Variants in VPS37A observed in about 807,000 individuals in gnomAD.
The protein encoded by VPS37A is VPS37A subunit of ESCRT-I, also known as vacuolar protein sorting-associated protein 37A.
VPS37A carries 30 observed loss-of-function variants against 49.8 expected under a neutral mutation model. The ratio of observed to expected loss-of-function variants is 0.60; its 90% CI spans 0.45 to 0.82. VPS37A has a LOEUF of 0.82. Ranked by LOEUF, VPS37A falls within the 40% of genes least tolerant of loss-of-function variation. The pLI is 0.00. For missense variants in VPS37A, 593 were observed against 464.4 expected, an observed-to-expected ratio of 1.28 and a Z score of -2.55; for synonymous variants, 195 against 160.6, an observed-to-expected ratio of 1.21 and a Z score of -1.62.
Position 17,284,484 on chromosome 8 carries a change from A to C in VPS37A, c.981A>C (p.Ala327=). Residue 327 remains alanine (A), a synonymous_variant, in exon 10 of 12, where the codon GCA becomes GCC. Transcript: ENST00000324849. ...RQHELSESCS[A]SALQARLKVA... ...ATTTTCTTTTTCAGAGCTGTAGTGC[A>C]AGTGCCCTTCAGGCAAGATTGAAAG... 1.9e-6 allele frequency: 3 copies of C among 1,586,094 alleles called. No homozygotes were observed. Among genetic ancestry groups the C allele is most frequent in the Non-Finnish European group, 1.7e-6 (2 of 1,172,104 alleles).
At chr8:17,310,891 C>CT in the VPS37A span, among the ~76,000 whole-genome samples, 1,676 of 152,234 alleles carry the variant, frequency 0.011, 24 homozygotes, top group African/African-American at 0.039. Flanking sequence ...TTAGTGAAAA[C>CT]TTCACCATCC....
chr8:17,302,338 C>T (rs1395152873), downstream of VPS37A: 2 of 1,555,310 alleles, frequency 1.3e-6, no homozygotes, highest in Admixed American at 4.0e-5. Flanking sequence ...AAATTCACAT[C>T]CTCAAGTCTT....
the VPS37A span, chr8:17,311,559 C>T: frequency 6.2e-7 from 1 of 1,614,148 alleles, no homozygotes; most frequent in South Asian, 1.1e-5. Flanking sequence ...GCAGGCTTGC[C>T]ACCGAGCACA....
chr8:17,254,278 G>A (rs1489326609), intron 1 of VPS37A, among the ~76,000 whole-genome samples: 1 of 152,144 alleles, frequency 6.6e-6, no homozygotes, highest in Non-Finnish European at 1.5e-5. Context: ...GGAAAAGGAG[G>A]CTTCCTGGGG....
chr8:17,256,755 C>T (rs1812505723), intron 1 of VPS37A, among the ~76,000 whole-genome samples: 1 of 151,894 alleles, frequency 6.6e-6, no homozygotes, highest in African/African-American at 2.4e-5. Flanking sequence ...CGGATTCAAG[C>T]AATTTTCCTG....
the VPS37A span, among the ~76,000 whole-genome samples, chr8:17,328,108 C>T: frequency 2.6e-5 from 4 of 152,138 alleles, no homozygotes; most frequent in African/African-American, 9.7e-5. Context: ...CAAAGCTACT[C>T]GTGGGGAGAA....
chr8:17,301,994 G>C, downstream of VPS37A: 1 of 898,096 alleles, frequency 1.1e-6, no homozygotes, highest in Non-Finnish European at 1.6e-6. Flanking sequence ...TTGGGCTTCG[G>C]TTATCTGAGT....
At chr8:17,273,023 CTTTTTTTTTTTTT>C (rs1166192119) in intron 4 of VPS37A, among the ~76,000 whole-genome samples, 5 of 43,830 alleles carry the variant, frequency 1.1e-4, no homozygotes, top group Non-Finnish European at 1.6e-4. Context: ...TTTGCCCTTC[CTTTTTTTTTTTTT>C]TTTTTTTTTT....
At chr8:17,293,943 G>A (rs780765340) in intron 11 of VPS37A, among the ~76,000 whole-genome samples, 9 of 152,174 alleles carry the variant, frequency 5.9e-5, no homozygotes, top group Non-Finnish European at 1.3e-4. Flanking sequence ...AGAACCACTT[G>A]AGGAGGCAGT....
At chr8:17,286,272 G>T in intron 10 of VPS37A, 75 bp from the exon 11 acceptor site, 1 of 1,179,872 alleles carries the variant, frequency 8.5e-7, no homozygotes. Flanking sequence ...AAAGCTTCCT[G>T]TCATACTGTT....
chr8:17,292,785 C>T (rs867842375), intron 11 of VPS37A, among the ~76,000 whole-genome samples: 17 of 152,326 alleles, frequency 1.1e-4, no homozygotes, highest in African/African-American at 1.7e-4. Flanking sequence ...TATTGGCCCC[C>T]ATTCTCTTCT....
At chr8:17,299,856 G>C (rs762507906), downstream of VPS37A, 1 of 1,613,458 alleles carries the variant, frequency 6.2e-7, no homozygotes, top group Non-Finnish European at 8.5e-7. Context: ...ACTCCAAAGG[G>C]AAACTTCAGG....
intron 1 of VPS37A, among the ~76,000 whole-genome samples, chr8:17,253,527 G>T (rs1302048135): frequency 2.6e-5 from 4 of 152,208 alleles, no homozygotes; most frequent in African/African-American, 7.2e-5. Context: ...ATATGGCAAA[G>T]GCTATGGAGA....
At chr8:17,251,808 G>T (rs1005745191) in intron 1 of VPS37A, among the ~76,000 whole-genome samples, 1 of 152,142 alleles carries the variant, frequency 6.6e-6, no homozygotes, top group Non-Finnish European at 1.5e-5. Context: ...TTCTTTTGCT[G>T]CCAGTCTGCG....
chr8:17,299,847 C>A (rs764665684), downstream of VPS37A: 10 of 1,612,874 alleles, frequency 6.2e-6, no homozygotes, highest in South Asian at 9.9e-5. Context: ...TACTTTGGAA[C>A]TCCAAAGGGA....
At chr8:17,265,682 T>A in intron 1 of VPS37A, 1 of 1,225,162 alleles carries the variant, frequency 8.2e-7, no homozygotes, top group Non-Finnish European at 1.1e-6. Flanking sequence ...CTTTACATCA[T>A]CATCCCCCTT....
At chr8:17,254,031 C>T (rs1269020692) in intron 1 of VPS37A, among the ~76,000 whole-genome samples, 1 of 152,144 alleles carries the variant, frequency 6.6e-6, no homozygotes, top group African/African-American at 2.4e-5. Flanking sequence ...TCTGATATTA[C>T]ATAAATTTAT....
At chr8:17,327,878 A>T in the VPS37A span, among the ~76,000 whole-genome samples, 1 of 152,202 alleles carries the variant, frequency 6.6e-6, no homozygotes, top group African/African-American at 2.4e-5. Flanking sequence ...TTACTCTTTT[A>T]AAAAATTATG....
intron 6 of VPS37A, among the ~76,000 whole-genome samples, chr8:17,277,887 CACACACACACACACAG>C (rs990611920): frequency 1.1e-4 from 17 of 151,500 alleles, no homozygotes; most frequent in Non-Finnish European, 2.4e-4. Flanking sequence ...CACACACACA[CACACACACACACACAG>C]ACATATACAT....
Sources: gnomAD v4.1 joint callset for allele counts (sites outside exome capture counted in the v4.1 genomes callset) on GRCh38, gnomAD v4.1.1 for gene constraint, MANE v1.5 for transcripts, NCBI Gene and HGNC (gene_info 2026-07-23, HGNC 2026-07-21) for gene names.